The following SORBS2 variants were observed in gnomAD, a reference collection of about 807,000 sequenced individuals.
The protein encoded by SORBS2 is sorbin and SH3 domain-containing protein 2.
A neutral mutation model predicts 97.7 loss-of-function variants in SORBS2; 46 were observed. The ratio of observed to expected loss-of-function variants is 0.47; its 90% CI spans 0.37 to 0.60. The LOEUF is 0.60. Among genes scored for constraint, SORBS2 ranks in the 20% least tolerant of loss-of-function variants. SORBS2 has a pLI of 0.00. For synonymous variants in SORBS2, 476 were observed against 473.4 expected (o/e 1.01, Z -0.07); for missense variants, 1,316 against 1,282.3 (o/e 1.03, Z -0.40).
At chr4:185,901,801 T>G (rs1257482763) in intron 1 of SORBS2, among the ~76,000 whole-genome samples, 6 of 152,340 alleles carry the variant, frequency 3.9e-5, no homozygotes, top group African/African-American at 1.4e-4. Flanking sequence ...ACTGGACAAG[T>G]CTTATGAAGA....
chr4:185,747,268 G>A (rs2098767919), intron 2 of SORBS2, among the ~76,000 whole-genome samples: 1 of 152,194 alleles, frequency 6.6e-6, no homozygotes. Context: ...AGAACTTTGA[G>A]AAATAAATTT....
upstream of SORBS2, among the ~76,000 whole-genome samples, chr4:185,658,692 C>CTTTTTTT (rs35439018): frequency 1.7e-5 from 2 of 115,984 alleles, no homozygotes; most frequent in Admixed American, 9.3e-5. Flanking sequence ...AATAAGTAAG[C>CTTTTTTT]TTTTTTTTTT....
At chr4:185,719,368 G>T (rs1428042835) in intron 2 of SORBS2, among the ~76,000 whole-genome samples, 1 of 152,162 alleles carries the variant, frequency 6.6e-6, no homozygotes, top group Non-Finnish European at 1.5e-5. Flanking sequence ...AATGTGCTCA[G>T]GCTAGGTCAG....
At chr4:185,952,855 T>C (rs979228931) in intron 1 of SORBS2, among the ~76,000 whole-genome samples, 1 of 152,218 alleles carries the variant, frequency 6.6e-6, no homozygotes, top group Non-Finnish European at 1.5e-5. Flanking sequence ...ACAAACAGCA[T>C]GAGTCACCAC....
intron 1 of SORBS2, chr4:185,933,192 G>C (rs1007518847): frequency 6.6e-6 from 1 of 152,210 alleles, no homozygotes; most frequent in African/African-American, 2.4e-5. Context: ...GCAGTACGGT[G>C]CTCATGGATA....
At chr4:185,907,957 A>G (rs950519902) in intron 1 of SORBS2, among the ~76,000 whole-genome samples, 1 of 152,102 alleles carries the variant, frequency 6.6e-6, no homozygotes, top group South Asian at 2.1e-4. Context: ...TTCCCAACAT[A>G]GCTTAGTATA....
At chr4:185,796,299 C>T (rs1041477150) in intron 1 of SORBS2, among the ~76,000 whole-genome samples, 4 of 152,234 alleles carry the variant, frequency 2.6e-5, no homozygotes, top group Admixed American at 1.3e-4. Flanking sequence ...ATTTCACCTT[C>T]CTGCTTGAAA....
chr4:185,665,959 G>A (rs1415536306), intron 4 of SORBS2: 2 of 1,248,708 alleles, frequency 1.6e-6, no homozygotes. Flanking sequence ...GCTTTCTGGA[G>A]CTGGGAGCAG....
At chr4:185,820,072 T>C (rs1332171282) in intron 1 of SORBS2, among the ~76,000 whole-genome samples, 2 of 152,218 alleles carry the variant, frequency 1.3e-5, no homozygotes, top group African/African-American at 4.8e-5. Flanking sequence ...CTTTGATTTA[T>C]GGTGCGGCAC....
In SORBS2 at chr4:185,753,302, C is replaced by T. The variant is rs181704957; in HGVS notation, c.-198+21925G>A. Among the ~76,000 whole-genome samples, 248 of 152,176 alleles carry T rather than the reference C, an allele frequency of 1.6e-3. 1 individual carries two copies. Among genetic ancestry groups the T allele is most frequent in the Non-Finnish European group, 3.0e-3 (203 of 67,988 alleles). On this transcript the variant is annotated intron_variant, in intron 2 of 20. Coordinates refer to the SORBS2 transcript ENST00000284776. ...TAAGTCATTTAATAATGATGAATTGCCTGGGAGGCTCTTTGAAAAGATAGA... is the reference window on the plus strand; with the variant it reads ...TAAGTCATTTAATAATGATGAATTGTCTGGGAGGCTCTTTGAAAAGATAGA...
chr4:185,606,830 C>T lies in SORBS2; in HGVS notation c.2796+4950G>A. On this transcript the variant is annotated intron_variant, in intron 12 of 14. Transcript: ENST00000418609. This position sits in a 1 kb window ranked among gnomAD's most constrained non-coding sequence, Gnocchi z 4.3. ...ATGCCCTCATCTTCCTCTCCAATGA[C>T]CGGAAGGGGTACAGGCAAGGAACCC... The T allele has an allele frequency of 2.0e-6, 2 of 985,366 alleles. No individual in the cohort carries two copies. Among genetic ancestry groups the T allele is most frequent in the Non-Finnish European group, 2.4e-6 (2 of 829,936 alleles). 61.0% of individuals were successfully genotyped at this position (985,366 alleles called of 1,614,324 possible).
rs116507026 is a variant in SORBS2, at chr4:185,625,310, T to C, written c.635-816A>G. On this transcript the variant is annotated intron_variant, in intron 6 of 14. Coordinates refer to ENST00000418609, the Ensembl canonical transcript of SORBS2. The stretch of plus-strand genomic sequence containing the variant: ...TGCAATTTGATAATAGAGATCTACA[T>C]TTGGCCTCAATTTTGAATAGCTATG... Among the ~76,000 whole-genome samples, 779 of 151,332 alleles carry C rather than the reference T, an allele frequency of 5.1e-3. 4 individuals are homozygous for C. Among genetic ancestry groups the C allele is most frequent in the African/African-American group, 0.018 (751 of 41,166 alleles).
intron 1 of SORBS2, chr4:185,919,344 TG>T (rs1434632775): frequency 4.6e-5 from 7 of 152,218 alleles, no homozygotes; most frequent in African/African-American, 1.7e-4. Flanking sequence ...TTTGCAGTTG[TG>T]GGCGACTGTG....
rs1164675077 is a variant in SORBS2, at chr4:185,761,279, C to T, written c.-198+13948G>A. Among the ~76,000 whole-genome samples, 5 of 152,100 alleles carry T rather than the reference C, an allele frequency of 3.3e-5. No homozygotes were observed. In the East Asian group the frequency reaches 5.8e-4, roughly 18 times the overall value. On this transcript the variant is annotated intron_variant, in intron 2 of 20. Transcript: ENST00000284776. The stretch of plus-strand genomic sequence containing the variant: ...GAATGTTGATCTTGAAAATCTGTAC[C>T]GAAAGCTTAAGTTTTTCTCCAAAGT...
chr4:185,606,991 T>C lies in SORBS2; in HGVS notation c.2796+4789A>G. 1 of 1,000,330 alleles carries C rather than the reference T, an allele frequency of 1.0e-6. No individual in the cohort carries two copies. Among genetic ancestry groups the C allele is most frequent in the Non-Finnish European group, 1.2e-6 (1 of 838,664 alleles). The allele number at this position is 1,000,330 out of a possible 1,614,324, so 62.0% of individuals were successfully genotyped here. Reference sequence around the variant, plus strand: ...TGTCGTTCTGGGATCCTGAAGAGGCTCTGCATGGTAAGGCTGGGCTGCAGC... The same window carrying C: ...TGTCGTTCTGGGATCCTGAAGAGGCCCTGCATGGTAAGGCTGGGCTGCAGC... On this transcript the variant is annotated intron_variant, in intron 12 of 14. Transcript: ENST00000418609. This position sits in a 1 kb window ranked among gnomAD's most constrained non-coding sequence, Gnocchi z 4.3.
At chr4:185,933,812 G>A (rs1178552149) in intron 1 of SORBS2, among the ~76,000 whole-genome samples, 1 of 152,166 alleles carries the variant, frequency 6.6e-6, no homozygotes, top group Non-Finnish European at 1.5e-5. Context: ...ATATGAATTG[G>A]AAAGGAAACA....
intron 12 of SORBS2, among the ~76,000 whole-genome samples, chr4:185,605,352 A>T (rs2096383661): frequency 6.6e-6 from 1 of 152,226 alleles, no homozygotes; most frequent in Non-Finnish European, 1.5e-5. Flanking sequence ...GCACAACTTC[A>T]GTTCACTGCA....
intron 12 of SORBS2, among the ~76,000 whole-genome samples, chr4:185,605,476 G>A (rs2096390173): frequency 6.6e-6 from 1 of 151,298 alleles, no homozygotes; most frequent in Non-Finnish European, 1.5e-5. Context: ...GGAGATGGGG[G>A]TTTTACCATG....
upstream of SORBS2, among the ~76,000 whole-genome samples, chr4:185,660,360 TA>T (rs1306327857): frequency 6.6e-6 from 1 of 152,196 alleles, no homozygotes; most frequent in Non-Finnish European, 1.5e-5. Context: ...AGTTCCATTT[TA>T]AACAATCTAG....
Sources: allele counts gnomAD v4.1 joint callset (sites outside exome capture counted in the v4.1 genomes callset), GRCh38; gene constraint gnomAD v4.1.1; non-coding constraint Gnocchi (gnomAD v3.1); transcripts MANE v1.5; gene names NCBI Gene and HGNC (gene_info 2026-07-23, HGNC 2026-07-21).